ABCG1: variants seen among roughly 807,000 people sequenced by gnomAD.
ABCG1 encodes the protein ATP binding cassette subfamily G member 1, also known as ATP-binding cassette sub-family G member 1.
In ABCG1, 29 loss-of-function variants were observed where a neutral mutation model predicts 69.2. The ratio of observed to expected loss-of-function variants is 0.42; its 90% confidence interval spans 0.31 to 0.57. The LOEUF is 0.57. Ranked by LOEUF, ABCG1 falls within the 20% of genes least tolerant of loss-of-function variation. The pLI, the probability that ABCG1 is intolerant of heterozygous loss-of-function variation, is 0.15. For synonymous variants in ABCG1, 370 were observed against 374.8 expected, an observed-to-expected ratio of 0.99 and a Z score of 0.15; for missense variants, 718 against 898.1, an observed-to-expected ratio of 0.80 and a Z score of 2.56.
At position 42,287,959 on chromosome 21, in the gene ABCG1, G is replaced by C. The variant is rs1217159325; in HGVS notation, c.1044G>C (p.Met348Ile). ...TGGTGAGAGCGGTTCGGGAGGGCAT[G>C]TGTGACTCAGACCACAAGAGAGACC... ...SRLVRAVREG[M>I]CDSDHKRDLG... The change falls in exon 9 of 15, where the codon ATG (methionine) becomes ATC (isoleucine). Residue 348 changes from methionine to isoleucine, a missense_variant. This residue lies in a region of ABCG1 where 514 missense variants were observed against 574.3 expected (regional missense o/e 0.90). Coordinates refer to ENST00000398449, the MANE Select transcript of ABCG1 (RefSeq NM_016818.3). This position sits in a 1 kb window ranked among gnomAD's most constrained non-coding sequence, Gnocchi z 6.2. 3 of 1,613,850 alleles carry C rather than the reference G, an allele frequency of 1.9e-6. No homozygotes were observed. Among genetic ancestry groups the C allele is most frequent in the Non-Finnish European group, 2.5e-6 (3 of 1,179,820 alleles).
intron 2 of ABCG1, among the ~76,000 whole-genome samples, chr21:42,204,486 T>C (rs1403907695): frequency 6.6e-6 from 1 of 152,226 alleles, no homozygotes; most frequent in African/African-American, 2.4e-5. Flanking sequence ...CTGCATCAAT[T>C]GGCATGATCA....
intron 13 of ABCG1, among the ~76,000 whole-genome samples, chr21:42,294,124 C>T (rs576254848): frequency 3.9e-5 from 6 of 152,312 alleles, no homozygotes; most frequent in South Asian, 2.1e-4. Context: ...GCGTCCATCC[C>T]GCCTGTGAAG....
At chr21:42,209,890 A>G (rs2123470855) in intron 2 of ABCG1, among the ~76,000 whole-genome samples, 1 of 152,242 alleles carries the variant, frequency 6.6e-6, no homozygotes, top group East Asian at 1.9e-4. Context: ...GAGTTTGTTT[A>G]AAGAGCCGCC....
intron 5 of ABCG1, among the ~76,000 whole-genome samples, chr21:42,281,552 T>C (rs1026563412): frequency 1.3e-5 from 2 of 152,216 alleles, no homozygotes; most frequent in South Asian, 2.1e-4. Flanking sequence ...GCCTGTGCCG[T>C]GGTGTGGCTA....
upstream of ABCG1, among the ~76,000 whole-genome samples, chr21:42,211,765 G>A (rs1408086445): frequency 5.9e-5 from 9 of 152,014 alleles, no homozygotes; most frequent in South Asian, 2.1e-4. Flanking sequence ...GGCATGCGCT[G>A]GTAATTCCAG....
chr21:42,250,398 C>A (rs2068201028), intron 2 of ABCG1, among the ~76,000 whole-genome samples: 1 of 152,158 alleles, frequency 6.6e-6, no homozygotes, highest in African/African-American at 2.4e-5. Flanking sequence ...CCTCAGTGGT[C>A]TTTGGTTTCC....
chr21:42,270,725 T>C (rs1203310049), intron 2 of ABCG1, among the ~76,000 whole-genome samples: 1 of 152,206 alleles, frequency 6.6e-6, no homozygotes, highest in Non-Finnish European at 1.5e-5. Context: ...GCCGAGGGCT[T>C]GGGCAGGTCA....
chr21:42,282,959 T>G (rs2123775241), intron 6 of ABCG1, among the ~76,000 whole-genome samples: 1 of 152,220 alleles, frequency 6.6e-6, no homozygotes, highest in African/African-American at 2.4e-5. Context: ...CTTTCCTGGG[T>G]GATGCCCTTT....
chr21:42,204,879 TAAAA>T (rs1428491099), intron 2 of ABCG1, among the ~76,000 whole-genome samples: 2 of 152,172 alleles, frequency 1.3e-5, no homozygotes, highest in Non-Finnish European at 1.5e-5. Flanking sequence ...GCTAACTAAA[TAAAA>T]TGAATTGAGA....
intron 2 of ABCG1, among the ~76,000 whole-genome samples, chr21:42,265,251 T>G (rs1029072450): frequency 2.6e-5 from 4 of 152,204 alleles, no homozygotes; most frequent in Non-Finnish European, 4.4e-5. Flanking sequence ...CGGGTGACGC[T>G]TTCTCCCTAG....
intron 2 of ABCG1, among the ~76,000 whole-genome samples, chr21:42,253,178 G>A (rs553457201): frequency 6.6e-6 from 1 of 152,290 alleles, no homozygotes; most frequent in Non-Finnish European, 1.5e-5. Context: ...CTGCATCCAG[G>A]GAGGATCCTT....
chr21:42,236,761 C>T lies in ABCG1; in HGVS notation c.286+10847C>T, dbSNP rs531734503. ...AACCAGAGATGGTGGTGGATGAAAA[C>T]CTTTGCAACAAGAAGGAAGGGTACA... On this transcript the variant is annotated intron_variant, in intron 2 of 14. Transcript: ENST00000398449. 6.6e-5 allele frequency among the ~76,000 whole-genome samples: 10 copies of T among 152,292 alleles called. No individual in the cohort carries two copies. In the South Asian group the frequency reaches 1.5e-3, roughly 22 times the overall value.
chr21:42,278,510 T>C (rs2068749277), intron 5 of ABCG1, among the ~76,000 whole-genome samples: 1 of 152,140 alleles, frequency 6.6e-6, no homozygotes. Context: ...ACTGTGTCCC[T>C]GTAAGAAGAG....
At chr21:42,295,047 G>A (rs141407457) in intron 14 of ABCG1, 35 of 205,248 alleles carry the variant, frequency 1.7e-4, no homozygotes, top group African/African-American at 5.1e-4. Flanking sequence ...GGAGTCAGGC[G>A]TGGTGGCTCA....
At chr21:42,272,823 C>T (rs1322482089) in intron 3 of ABCG1, among the ~76,000 whole-genome samples, 1 of 152,214 alleles carries the variant, frequency 6.6e-6, no homozygotes, top group East Asian at 1.9e-4. Flanking sequence ...TGGTCCGGGC[C>T]CCAGGCCCCT....
intron 1 of ABCG1, among the ~76,000 whole-genome samples, chr21:42,224,351 C>G (rs2067779913): frequency 6.6e-6 from 1 of 152,220 alleles, no homozygotes; most frequent in Non-Finnish European, 1.5e-5. Context: ...GCATTGGGAC[C>G]AGCTGGGAGG....
At chr21:42,240,205 A>T (rs945728904) in intron 2 of ABCG1, among the ~76,000 whole-genome samples, 1 of 152,158 alleles carries the variant, frequency 6.6e-6, no homozygotes, top group East Asian at 1.9e-4. Flanking sequence ...CGGCCACACG[A>T]GGCACTGCTT....
At chr21:42,266,788 C>T (rs150353281) in intron 2 of ABCG1, among the ~76,000 whole-genome samples, 12 of 152,258 alleles carry the variant, frequency 7.9e-5, no homozygotes, top group Middle Eastern at 3.4e-3. Flanking sequence ...CCATCTTGTC[C>T]GGTTCTCTTT....
chr21:42,222,179 T>C (rs895658640), intron 1 of ABCG1, among the ~76,000 whole-genome samples: 5 of 152,078 alleles, frequency 3.3e-5, no homozygotes, highest in African/African-American at 1.2e-4. Context: ...AGAGAGAAGA[T>C]GCATGTGTTT....
Sources: gnomAD v4.1 joint callset for allele counts (sites outside exome capture counted in the v4.1 genomes callset) on GRCh38, gnomAD v4.1.1 for gene constraint, gnomAD v4.1.1 regional missense constraint, Gnocchi (gnomAD v3.1) non-coding constraint, MANE v1.5 for transcripts, NCBI Gene and HGNC (gene_info 2026-07-23, HGNC 2026-07-21) for gene names.